Variants in SAV1 observed in about 807,000 individuals in gnomAD.
SAV1 encodes the protein salvador family WW domain containing protein 1.
Under a neutral mutation model 47.3 loss-of-function variants are expected in SAV1, and 23 were observed. The observed-to-expected ratio is 0.49, with a 90% CI of 0.35 to 0.69. The LOEUF (loss-of-function observed/expected upper bound fraction) is 0.69, where lower values mean the gene tolerates loss of function less well. Among genes scored for constraint, SAV1 ranks in the 30% least tolerant of loss-of-function variants. The pLI is 0.01. For synonymous variants in SAV1, 155 were observed against 159.2 expected, an observed-to-expected ratio of 0.97 and a Z score of 0.20; for missense variants, 448 against 457.4, an observed-to-expected ratio of 0.98 and a Z score of 0.19.
At chr14:50,660,124 C>T (rs866743770) in intron 2 of SAV1, among the ~76,000 whole-genome samples, 1 of 152,208 alleles carries the variant, frequency 6.6e-6, no homozygotes, top group African/African-American at 2.4e-5. Flanking sequence ...AGTGGACCAA[C>T]TGACACCAAA....
intron 2 of SAV1, among the ~76,000 whole-genome samples, chr14:50,658,222 T>C (rs1472821279): frequency 6.6e-6 from 1 of 152,238 alleles, no homozygotes; most frequent in Non-Finnish European, 1.5e-5. Context: ...AAATCCAGTA[T>C]TTCTTGATAA....
rs1379964703 is a variant in SAV1 at position 50,665,011 on chromosome 14, G to C, written c.535+168C>G. 10 of 821,564 alleles carry C rather than the reference G, an allele frequency of 1.2e-5. No homozygotes were observed. The South Asian group carries it at 2.3e-4, about 19-fold the overall frequency. The allele number at this position is 821,564 out of a possible 1,614,324, so 50.9% of individuals were successfully genotyped here. A position where few individuals can be genotyped will look rare whatever the true frequency, so the allele number is the denominator to read the frequency against. The stretch of plus-strand genomic sequence containing the variant: ...ATGGTCACAAGGACTCTTCCATTCA[G>C]TGTAGATTAACAACTATTTGCACAC... On this transcript the variant is annotated intron_variant, in intron 2 of 4. Transcript: ENST00000324679.
rs551849373 is a variant in SAV1, at chr14:50,654,209, C to T, written c.536-9195G>A. Among the ~76,000 whole-genome samples, 4 of 152,334 alleles carry T rather than the reference C, an allele frequency of 2.6e-5. No homozygotes were observed. In the South Asian group the frequency reaches 8.3e-4, roughly 32 times the overall value. Reference sequence around the variant, plus strand: ...TGATGCTGTTTGACAGCATTTTACCCACAGTAGCATTTCTTTCAAACTGGC... The same window carrying T: ...TGATGCTGTTTGACAGCATTTTACCTACAGTAGCATTTCTTTCAAACTGGC... On this transcript the variant is annotated intron_variant, in intron 2 of 4. Transcript: ENST00000324679.
intron 4 of SAV1, among the ~76,000 whole-genome samples, chr14:50,638,663 C>G (rs1397290807): frequency 6.6e-6 from 1 of 152,164 alleles, no homozygotes; most frequent in Non-Finnish European, 1.5e-5. Context: ...AAAAAATACC[C>G]CTGCCACACA....
chr14:50,667,368 G>A (rs970486199), intron 1 of SAV1: 1 of 454,580 alleles, frequency 2.2e-6, no homozygotes, highest in African/African-American at 2.0e-5. Flanking sequence ...CAAGAACGAC[G>A]GTATGCTTTT....
rs746217045 is a variant in SAV1 at position 50,649,536 on chromosome 14, A to G, written c.536-4522T>C. 7.2e-5 allele frequency among the ~76,000 whole-genome samples: 11 copies of G among 152,296 alleles called. No individual in the cohort carries two copies. In the South Asian group the frequency reaches 2.1e-3, roughly 29 times the overall value. On this transcript the variant is annotated intron_variant, in intron 2 of 4. Coordinates refer to ENST00000324679, the MANE Select transcript of SAV1 (RefSeq NM_021818.4). ...TTTTTGGACTTATTTTGCCTCTTTC[A>G]CTCCCATATTTTACTAGTTCTGAAA...
At chr14:50,656,571 T>C (rs1364299787) in intron 2 of SAV1, among the ~76,000 whole-genome samples, 1 of 151,852 alleles carries the variant, frequency 6.6e-6, no homozygotes, top group Non-Finnish European at 1.5e-5. Flanking sequence ...GCCTCCTGAG[T>C]AGCTGGGACT....
At chr14:50,639,551 T>A (rs1276406566) in intron 4 of SAV1, among the ~76,000 whole-genome samples, 1 of 152,176 alleles carries the variant, frequency 6.6e-6, no homozygotes, top group Non-Finnish European at 1.5e-5. Context: ...TCTGGCCCAT[T>A]TTGGAAGAAT....
At chr14:50,645,768 C>T (rs562823423) in intron 2 of SAV1, among the ~76,000 whole-genome samples, 7 of 151,952 alleles carry the variant, frequency 4.6e-5, no homozygotes, top group South Asian at 2.1e-4. Flanking sequence ...AAACCATTCC[C>T]GGTTATAAAT....
At chr14:50,642,120 TACC>T (rs2039685021) in intron 3 of SAV1, among the ~76,000 whole-genome samples, 1 of 152,098 alleles carries the variant, frequency 6.6e-6, no homozygotes, top group African/African-American at 2.4e-5. Context: ...AGAAAACTAA[TACC>T]ACATGTTGAT....
chr14:50,640,472 TCTC>T (rs2039672301), intron 4 of SAV1, among the ~76,000 whole-genome samples: 1 of 152,118 alleles, frequency 6.6e-6, no homozygotes, highest in South Asian at 2.1e-4. Context: ...AAATTAATCT[TCTC>T]CTATGAGAAT....
At position 50,633,912 on chromosome 14, in the gene SAV1, C is replaced by G. The variant is rs550231115; in HGVS notation, c.*1271G>C. ...TTTGTTTGCAATCAAATGTACAGCA[C>G]TAATTATGAAAAATGTTTTAACTAT... On this transcript the variant is annotated 3_prime_UTR_variant, in exon 5 of 5. Coordinates refer to ENST00000324679, the MANE Select transcript of SAV1 (RefSeq NM_021818.4). The G allele has an allele frequency of 1.0e-5, 2 of 192,238 alleles. No homozygotes were observed. Among genetic ancestry groups the G allele is most frequent in the East Asian group, 2.4e-4 (2 of 8,216 alleles). The allele number at this position is 192,238 out of a possible 1,614,324, so 11.9% of individuals were successfully genotyped here. A position where few individuals can be genotyped will look rare whatever the true frequency, so the allele number is the denominator to read the frequency against.
intron 2 of SAV1, among the ~76,000 whole-genome samples, chr14:50,656,767 T>G (rs2039816338): frequency 1.3e-5 from 2 of 152,134 alleles, no homozygotes; most frequent in South Asian, 2.1e-4. Context: ...GAAAGCACAA[T>G]GTGTGATATA....
chr14:50,650,092 C>G lies in SAV1; in HGVS notation c.536-5078G>C, dbSNP rs114341020. 5.6e-3 allele frequency among the ~76,000 whole-genome samples: 853 copies of G among 152,212 alleles called. 13 individuals are homozygous for G. Among genetic ancestry groups the G allele is most frequent in the African/African-American group, 0.02 (814 of 41,534 alleles). ...AGAAACTTTAAAATTAAGGTAAATG[C>G]TTCAATTCAAACTCAGATTCTAAAG... On this transcript the variant is annotated intron_variant, in intron 2 of 4. Transcript: ENST00000324679.
At chr14:50,663,601 T>TATTCCACATTATTTTTAAATA (rs1386106474) in intron 2 of SAV1, among the ~76,000 whole-genome samples, 5 of 152,220 alleles carry the variant, frequency 3.3e-5, no homozygotes, top group African/African-American at 1.2e-4. Flanking sequence ...TCTTACCAAC[T>TATTCCACATTATTTTTAAATA]ATTCCACATT....
At chr14:50,645,350 A>G (rs888037391) in intron 2 of SAV1, among the ~76,000 whole-genome samples, 3 of 152,178 alleles carry the variant, frequency 2.0e-5, no homozygotes, top group Non-Finnish European at 4.4e-5. Flanking sequence ...GAGAGCTGAC[A>G]TGTTGCCACA....
chr14:50,640,910 G>A lies in SAV1; in HGVS notation c.807-17C>T, dbSNP rs748884053. 3 of 1,582,982 alleles carry A rather than the reference G, an allele frequency of 1.9e-6. No individual in the cohort carries two copies. Among genetic ancestry groups the A allele is most frequent in the Non-Finnish European group, 2.6e-6 (3 of 1,163,202 alleles). ...CGAGGTACACTAAGAAGAAAGGAGT[G>A]ACATTCTTTAGGATAAAGGTCTTAA... On this transcript the variant is annotated splice_polypyrimidine_tract_variant and intron_variant, in intron 3 of 4. Transcript: ENST00000324679.
intron 2 of SAV1, among the ~76,000 whole-genome samples, chr14:50,663,351 G>A (rs2039875678): frequency 6.6e-6 from 1 of 152,222 alleles, no homozygotes; most frequent in Non-Finnish European, 1.5e-5. Flanking sequence ...ATATAAATGA[G>A]CTTTATTTTT....
intron 4 of SAV1, among the ~76,000 whole-genome samples, chr14:50,640,300 G>A (rs891255850): frequency 6.6e-6 from 1 of 152,080 alleles, no homozygotes; most frequent in Non-Finnish European, 1.5e-5. Flanking sequence ...AAATTTTTCT[G>A]TGGAAATGGG....
Sources: allele counts gnomAD v4.1 joint callset (sites outside exome capture counted in the v4.1 genomes callset), GRCh38; gene constraint gnomAD v4.1.1; transcripts MANE v1.5; gene names NCBI Gene and HGNC (gene_info 2026-07-23, HGNC 2026-07-21).